Variants in INTS9 observed in about 807,000 individuals in gnomAD.
The protein encoded by INTS9 is protein related to CPSF subunits of 74 kDa.
Under a neutral mutation model 79.7 loss-of-function variants are expected in INTS9, and 55 were observed. The ratio of observed to expected loss-of-function variants is 0.69; its 90% CI spans 0.56 to 0.86. INTS9 has a LOEUF of 0.86. Ranked by LOEUF, INTS9 falls within the 40% of genes least tolerant of loss-of-function variation. The pLI is 0.00. For synonymous variants in INTS9, 319 were observed against 325.2 expected, an observed-to-expected ratio of 0.98 and a Z score of 0.20; for missense variants, 721 against 831.5, an observed-to-expected ratio of 0.87 and a Z score of 1.64.
intron 10 of INTS9, 25 bp downstream of exon 10, chr8:28,793,782 A>AC (rs1563254685): frequency 8.1e-7 from 1 of 1,230,078 alleles, no homozygotes; most frequent in Non-Finnish European, 1.1e-6. Context: ...AAATTCACAA[A>AC]AAAAAAAAAA....
intron 6 of INTS9, among the ~76,000 whole-genome samples, chr8:28,815,388 A>G (rs1199474913): frequency 6.6e-6 from 1 of 152,234 alleles, no homozygotes; most frequent in Non-Finnish European, 1.5e-5. Flanking sequence ...AACTCAATAA[A>G]GAATTAGAAA....
At chr8:28,874,667 C>A (rs1809280458) in intron 1 of INTS9, among the ~76,000 whole-genome samples, 2 of 152,136 alleles carry the variant, frequency 1.3e-5, no homozygotes, top group South Asian at 4.1e-4. Context: ...TCTTTACTGT[C>A]TAAACCACTA....
At position 28,770,000 on chromosome 8, in the gene INTS9, C is replaced by T. The variant is rs150751334; in HGVS notation, c.1689G>A (p.Thr563=). 1.4e-4 allele frequency: 224 copies of T among 1,613,968 alleles called. No homozygotes were observed. The highest frequency in any genetic ancestry group is 1.8e-4 in the Non-Finnish European group (208 of 1,180,038). Reference sequence around the variant, plus strand: ...TCACCCGCTTTCTCTTCTTCCCGCTCGTGGGCTGGGCGGGCCGAGGAGGGG... The same window carrying T: ...TCACCCGCTTTCTCTTCTTCCCGCTTGTGGGCTGGGCGGGCCGAGGAGGGG... The part of the protein sequence containing the change: ...LQPPPRPAQP[T]SGKKRKRVSD... The change falls in exon 16 of 17, where the codon ACG becomes ACA. Residue 563 remains threonine, a synonymous_variant. Coordinates refer to ENST00000521022, the MANE Select transcript of INTS9 (RefSeq NM_018250.4).
At chr8:28,801,744 C>T (rs1294469460) in intron 8 of INTS9, among the ~76,000 whole-genome samples, 1 of 152,166 alleles carries the variant, frequency 6.6e-6, no homozygotes, top group East Asian at 1.9e-4. Context: ...TCCCAAGTAG[C>T]TGGGACCACA....
chr8:28,825,848 G>C, intron 6 of INTS9, among the ~76,000 whole-genome samples: 1 of 152,188 alleles, frequency 6.6e-6, no homozygotes, highest in East Asian at 1.9e-4. Context: ...TTCAAGTAGG[G>C]ACACAATTTA....
chr8:28,817,454 C>G (rs1469816703), intron 6 of INTS9, among the ~76,000 whole-genome samples: 3 of 152,098 alleles, frequency 2.0e-5, no homozygotes, highest in Admixed American at 2.0e-4. Flanking sequence ...TGTCAAAGAT[C>G]AGATAGTTGT....
At chr8:28,854,575 C>T (rs899821229) in intron 2 of INTS9, among the ~76,000 whole-genome samples, 2 of 152,158 alleles carry the variant, frequency 1.3e-5, no homozygotes, top group Non-Finnish European at 2.9e-5. Context: ...TATTTTCACT[C>T]ACTGAATCTT....
chr8:28,769,918 C>T lies in INTS9; in HGVS notation c.1771G>A (p.Val591Met), dbSNP rs1026216407. The change falls in exon 16 of 17, where the codon GTG becomes ATG. Residue 591 changes from valine (V) to methionine (M), a missense_variant. Around this residue, in one of 3 missense-constraint regions of INTS9, gnomAD observed 281 missense variants for 300.8 expected, o/e 0.93. Coordinates refer to ENST00000521022, the MANE Select transcript of INTS9 (RefSeq NM_018250.4). ...TCCAGGGTCTGCACGAACTGCTCCA[C>T]AGGGATGGAACCGCTCAACAAAGGC... ...LKPLLSGSIP[V>M]EQFVQTLEKH... 20 of 1,614,212 alleles carry T rather than the reference C, an allele frequency of 1.2e-5. No individual in the cohort carries two copies. Among genetic ancestry groups the T allele is most frequent in the Non-Finnish European group, 1.6e-5 (19 of 1,180,022 alleles).
chr8:28,837,753 T>C lies in INTS9; in HGVS notation c.285A>G (p.Thr95=). The C allele has an allele frequency of 6.2e-7, 1 of 1,613,854 alleles. No homozygotes were observed. The highest frequency in any genetic ancestry group is 8.5e-7 in the Non-Finnish European group (1 of 1,179,770). ...LPETELIDLS[T]VDVILISNYH... is the part of the protein sequence containing the mutation. Reference sequence around the variant, plus strand: ...AGTTAGAGATGAGAATCACATCTACTGTAGACAGATCTATTAGCTCCGTCT... The same window carrying C: ...AGTTAGAGATGAGAATCACATCTACCGTAGACAGATCTATTAGCTCCGTCT... Residue 95 remains threonine, a synonymous_variant, in exon 5 of 17, where the codon ACA becomes ACG. Coordinates refer to ENST00000521022, the MANE Select transcript of INTS9 (RefSeq NM_018250.4).
In INTS9 at chr8:28,775,987, G is replaced by T. The variant is rs973684724; in HGVS notation, c.1396-61C>A. ...TGAAGTACAGTGGCCCCTGTGGAAG[G>T]CCCATTCCTGACCCCGATCCACTCC... On this transcript the variant is annotated intron_variant, in intron 13 of 16. Transcript: ENST00000521022. The T allele has an allele frequency of 8.9e-5, 119 of 1,342,740 alleles. No homozygotes were observed. In the Middle Eastern group the frequency reaches 1.5e-3, roughly 17 times the overall value. 83.2% of individuals were successfully genotyped at this position (1,342,740 alleles called of 1,614,324 possible).
At chr8:28,834,053 A>C (rs1381887049) in intron 6 of INTS9, among the ~76,000 whole-genome samples, 4 of 152,168 alleles carry the variant, frequency 2.6e-5, no homozygotes, top group Non-Finnish European at 5.9e-5. Context: ...GTTTTCTGAA[A>C]CTTCCTTGTC....
chr8:28,810,236 GGTGGCTAT>G (rs951256074), intron 8 of INTS9: 4 of 155,476 alleles, frequency 2.6e-5, no homozygotes, highest in African/African-American at 9.6e-5. Flanking sequence ...GGCAGGAAGG[GGTGGCTAT>G]GTAGGCAGAC....
chr8:28,776,122 T>G, intron 13 of INTS9, 196 bp from the exon 14 acceptor site: 1 of 455,948 alleles, frequency 2.2e-6, no homozygotes. Flanking sequence ...AGAAGAAACA[T>G]CTCGGAAACC....
chr8:28,808,835 T>C (rs1804954937), intron 8 of INTS9, among the ~76,000 whole-genome samples: 1 of 152,236 alleles, frequency 6.6e-6, no homozygotes, highest in South Asian at 2.1e-4. Context: ...TCCCCATGTT[T>C]ATCAGAATTC....
intron 8 of INTS9, among the ~76,000 whole-genome samples, chr8:28,804,566 T>TCAG (rs775516629): frequency 2.0e-5 from 3 of 150,742 alleles, no homozygotes; most frequent in Non-Finnish European, 4.4e-5. Flanking sequence ...AAGGGCAAAG[T>TCAG]GGTGACAAGT....
Position 28,837,629 on chromosome 8 carries a change from C to A in INTS9, c.401+8G>T, listed in dbSNP as rs1318682036. The A allele has an allele frequency of 6.2e-7, 1 of 1,611,700 alleles. No individual in the cohort carries two copies. Among genetic ancestry groups the A allele is most frequent in the Admixed American group, 1.7e-5 (1 of 59,912 alleles). ...ACATCCTAGCAGGGTCAGAATCAAC[C>A]CTCTCACCTGCCGATCTGGACGGTG... On this transcript the variant is annotated splice_region_variant and intron_variant, in intron 5 of 16. Coordinates refer to ENST00000521022, the MANE Select transcript of INTS9 (RefSeq NM_018250.4).
chr8:28,808,072 T>A (rs1246403344), intron 8 of INTS9, among the ~76,000 whole-genome samples: 3 of 152,248 alleles, frequency 2.0e-5, no homozygotes, highest in Non-Finnish European at 4.4e-5. Context: ...GTTGCACTCT[T>A]TGGCCTCAAT....
intron 6 of INTS9, among the ~76,000 whole-genome samples, chr8:28,819,840 T>C (rs1384977756): frequency 6.6e-6 from 1 of 152,216 alleles, no homozygotes; most frequent in Non-Finnish European, 1.5e-5. Context: ...GGTGCTCCTG[T>C]TTGGGTGCAT....
intron 4 of INTS9, among the ~76,000 whole-genome samples, chr8:28,841,913 ATG>A (rs1237189602): frequency 6.6e-6 from 1 of 152,086 alleles, no homozygotes; most frequent in Non-Finnish European, 1.5e-5. Flanking sequence ...TAGTGAGACC[ATG>A]TCTCTACAAA....
Sources: gnomAD v4.1 joint callset for allele counts (sites outside exome capture counted in the v4.1 genomes callset) on GRCh38, gnomAD v4.1.1 for gene constraint, gnomAD v4.1.1 regional missense constraint, MANE v1.5 for transcripts, NCBI Gene and HGNC (gene_info 2026-07-23, HGNC 2026-07-21) for gene names.